Variants in CLSTN2 observed in about 807,000 individuals in gnomAD.
CLSTN2 encodes calsyntenin 2, also known as calsyntenin-2.
A neutral mutation model predicts 101.2 loss-of-function variants in CLSTN2; 48 were observed. The observed-to-expected ratio is 0.47, with a 90% CI of 0.38 to 0.60. The LOEUF (loss-of-function observed/expected upper bound fraction) is 0.60. Among genes scored for constraint, CLSTN2 ranks in the 20% least tolerant of loss-of-function variants. The pLI is 0.00. For missense variants in CLSTN2, 1,160 were observed against 1,238.2 expected (o/e 0.94, Z 0.95); for synonymous variants, 481 against 463.6 (o/e 1.04, Z -0.48).
chr3:139,991,036 C>T (rs1184564702), intron 1 of CLSTN2, among the ~76,000 whole-genome samples: 3 of 152,036 alleles, frequency 2.0e-5, no homozygotes, highest in Non-Finnish European at 2.9e-5. Flanking sequence ...AATAATAGTA[C>T]AGGTGGCACA....
At chr3:140,450,947 T>C (rs1463152321) in intron 6 of CLSTN2, among the ~76,000 whole-genome samples, 21 of 152,180 alleles carry the variant, frequency 1.4e-4, no homozygotes, top group Admixed American at 6.5e-4. Flanking sequence ...AACTTCAATA[T>C]TCCATACAGC....
intron 1 of CLSTN2, among the ~76,000 whole-genome samples, chr3:140,154,941 C>T (rs1168164569): frequency 6.6e-6 from 1 of 152,138 alleles, no homozygotes; most frequent in African/African-American, 2.4e-5. Flanking sequence ...CTCATGAGAA[C>T]TCACTCAGTA....
intron 2 of CLSTN2, among the ~76,000 whole-genome samples, chr3:140,341,090 C>T (rs1360224385): frequency 6.6e-6 from 1 of 152,228 alleles, no homozygotes; most frequent in South Asian, 2.1e-4. Context: ...TAAAATTACT[C>T]TCCCTGACCC....
chr3:140,366,153 C>T (rs1305834417), intron 2 of CLSTN2, among the ~76,000 whole-genome samples: 2 of 152,224 alleles, frequency 1.3e-5, no homozygotes, highest in Non-Finnish European at 2.9e-5. Flanking sequence ...TTTCCCTGAT[C>T]GTACTGATCC....
intron 1 of CLSTN2, among the ~76,000 whole-genome samples, chr3:139,956,838 G>T (rs1017737358): frequency 7.9e-5 from 12 of 151,934 alleles, no homozygotes; most frequent in Non-Finnish European, 1.5e-4. Flanking sequence ...GCATCCTTTT[G>T]CCTCACCCTC....
chr3:140,336,231 A>T (rs2107932869), intron 2 of CLSTN2, among the ~76,000 whole-genome samples: 1 of 152,202 alleles, frequency 6.6e-6, no homozygotes, highest in East Asian at 1.9e-4. Context: ...GGCATTTTAA[A>T]CATTTTATTT....
intron 1 of CLSTN2, among the ~76,000 whole-genome samples, chr3:140,116,141 C>G (rs2009239112): frequency 6.6e-6 from 1 of 152,162 alleles, no homozygotes; most frequent in Non-Finnish European, 1.5e-5. Context: ...CAACCTTAGT[C>G]ATACACATCC....
chr3:140,263,268 G>A (rs2086668871), intron 2 of CLSTN2, among the ~76,000 whole-genome samples: 1 of 152,174 alleles, frequency 6.6e-6, no homozygotes, highest in Non-Finnish European at 1.5e-5. Flanking sequence ...CTTGGTTCAT[G>A]TTAGGAAATG....
intron 1 of CLSTN2, among the ~76,000 whole-genome samples, chr3:139,995,896 T>C (rs943635049): frequency 1.2e-4 from 18 of 152,246 alleles, no homozygotes; most frequent in Middle Eastern, 6.3e-3. Context: ...CTCGGGTATA[T>C]TGAATTGGAT....
chr3:140,404,521 T>C, intron 3 of CLSTN2, 37 bp from the exon 4 acceptor site: 1 of 1,597,292 alleles, frequency 6.3e-7, no homozygotes. Context: ...TGACTCTTTC[T>C]TTACCACCAT....
chr3:139,940,825 C>A (rs1404875098), intron 1 of CLSTN2, among the ~76,000 whole-genome samples: 1 of 152,106 alleles, frequency 6.6e-6, no homozygotes, highest in East Asian at 1.9e-4. Flanking sequence ...AGTGCAGGGC[C>A]AGCTCAGAGT....
intron 2 of CLSTN2, among the ~76,000 whole-genome samples, chr3:140,216,236 A>T (rs532705638): frequency 7.0e-4 from 107 of 152,240 alleles, no homozygotes; most frequent in African/African-American, 2.4e-3. Flanking sequence ...CCATGGAAAA[A>T]TTATCTTCCA....
At chr3:140,004,045 A>G (rs2006906334) in intron 1 of CLSTN2, among the ~76,000 whole-genome samples, 1 of 152,170 alleles carries the variant, frequency 6.6e-6, no homozygotes, top group African/African-American at 2.4e-5. Flanking sequence ...TCCACAAGAG[A>G]AGGCTCTCCA....
At chr3:139,959,577 A>G (rs571752815) in intron 1 of CLSTN2, among the ~76,000 whole-genome samples, 2 of 151,994 alleles carry the variant, frequency 1.3e-5, no homozygotes, top group Non-Finnish European at 2.9e-5. Flanking sequence ...CGCTATCCCC[A>G]TTTGTTGAAG....
intron 1 of CLSTN2, among the ~76,000 whole-genome samples, chr3:140,165,165 A>C (rs898631317): frequency 2.0e-5 from 3 of 152,022 alleles, no homozygotes; most frequent in Admixed American, 2.0e-4. Flanking sequence ...TGTATTTAAA[A>C]CTCTCTAATT....
intron 1 of CLSTN2, among the ~76,000 whole-genome samples, chr3:140,003,624 G>T (rs996408442): frequency 6.6e-6 from 1 of 152,052 alleles, no homozygotes; most frequent in African/African-American, 2.4e-5. Flanking sequence ...TAGAGGAAAG[G>T]CTGTTTTTTT....
At chr3:140,381,808 G>A (rs776998307) in intron 2 of CLSTN2, among the ~76,000 whole-genome samples, 10 of 152,226 alleles carry the variant, frequency 6.6e-5, no homozygotes, top group African/African-American at 1.9e-4. Context: ...AACAATTGGA[G>A]CTTTCCATTA....
At chr3:140,198,285 A>T (rs975816700) in intron 2 of CLSTN2, among the ~76,000 whole-genome samples, 7 of 152,178 alleles carry the variant, frequency 4.6e-5, no homozygotes, top group African/African-American at 1.7e-4. Flanking sequence ...GGGCACCTGT[A>T]TGAGTTTTGT....
At chr3:140,281,775 AG>A (rs2086849965) in intron 2 of CLSTN2, among the ~76,000 whole-genome samples, 1 of 151,908 alleles carries the variant, frequency 6.6e-6, no homozygotes, top group Non-Finnish European at 1.5e-5. Context: ...AGAGAGAGAG[AG>A]AGAGGAGCCT....
Sources: gnomAD v4.1 joint callset for allele counts (sites outside exome capture counted in the v4.1 genomes callset) on GRCh38, gnomAD v4.1.1 for gene constraint, MANE v1.5 for transcripts, NCBI Gene and HGNC (gene_info 2026-07-23, HGNC 2026-07-21) for gene names.